The following SLC5A1 variants were observed in gnomAD, a reference collection of about 807,000 sequenced individuals.
SLC5A1 encodes the protein solute carrier family 5 member 1, also known as sodium/glucose cotransporter 1.
Under a neutral mutation model 73.5 loss-of-function variants are expected in SLC5A1, and 42 were observed. The ratio of observed to expected loss-of-function variants is 0.57; its 90% CI spans 0.45 to 0.74. SLC5A1 has a LOEUF of 0.74. Ranked by LOEUF, SLC5A1 falls within the 30% of genes least tolerant of loss-of-function variation. SLC5A1 has a pLI of 0.00. For missense variants in SLC5A1, 634 were observed against 855.4 expected (o/e 0.74, Z 3.23); for synonymous variants, 300 against 317.4 (o/e 0.95, Z 0.58).
chr22:32,061,426 A>C (rs933070883), intron 2 of SLC5A1, among the ~76,000 whole-genome samples: 3 of 152,030 alleles, frequency 2.0e-5, no homozygotes, highest in Admixed American at 1.3e-4. Context: ...AAAAAAAAAA[A>C]AGTCAGTAGG....
chr22:32,062,223 A>T (rs1260071397), intron 2 of SLC5A1, among the ~76,000 whole-genome samples: 2 of 152,124 alleles, frequency 1.3e-5, no homozygotes, highest in Non-Finnish European at 2.9e-5. Context: ...ATCACTTGGG[A>T]GGTGTTGCAA....
chr22:32,063,414 G>T (rs188778183), intron 2 of SLC5A1, among the ~76,000 whole-genome samples: 265 of 152,286 alleles, frequency 1.7e-3, no homozygotes, highest in African/African-American at 5.5e-3. Flanking sequence ...GAAGACGGAG[G>T]CTTGCAGATG....
intron 10 of SLC5A1, among the ~76,000 whole-genome samples, chr22:32,090,070 G>A (rs1224973183): frequency 3.5e-5 from 5 of 142,426 alleles, no homozygotes; most frequent in African/African-American, 1.3e-4. Flanking sequence ...ACTTGCTTAG[G>A]ATCAGAGTTA....
intron 5 of SLC5A1, among the ~76,000 whole-genome samples, chr22:32,070,285 C>CCTTCTTCTTCATT (rs2093980991): frequency 8.2e-6 from 1 of 121,290 alleles, no homozygotes; most frequent in Non-Finnish European, 1.7e-5. Context: ...CCCCTCCCTC[C>CCTTCTTCTTCATT]CTTCTTCTTC....
chr22:32,080,026 C>T (rs1266791370), intron 5 of SLC5A1, among the ~76,000 whole-genome samples: 1 of 152,166 alleles, frequency 6.6e-6, no homozygotes, highest in Non-Finnish European at 1.5e-5. Flanking sequence ...GGAGCCAGGA[C>T]TTCCTGCATA....
At chr22:32,056,240 C>T (rs1041803346) in intron 2 of SLC5A1, among the ~76,000 whole-genome samples, 3 of 152,040 alleles carry the variant, frequency 2.0e-5, no homozygotes, top group Non-Finnish European at 4.4e-5. Flanking sequence ...AGCCTGGTCT[C>T]GAACTCCCGA....
In SLC5A1 at chr22:32,060,199, A is replaced by ATTTTTTT. The variant is rs200047863; in HGVS notation, c.208-6735_208-6729dup. ...CACACACACACACATATATATATAT[A>ATTTTTTT]TTTTTTTAAGAGATGGAACTTTGCT... On this transcript the variant is annotated intron_variant, in intron 2 of 14. Coordinates refer to ENST00000266088, the MANE Select transcript of SLC5A1 (RefSeq NM_000343.4). Among the ~76,000 whole-genome samples, 219 of 136,654 alleles carry ATTTTTTT rather than the reference A, an allele frequency of 1.6e-3. 1 individual carries two copies. The highest frequency in any genetic ancestry group is 2.7e-3 in the Non-Finnish European group (173 of 63,598). The allele number at this position is 136,654 out of a possible 152,430, so 89.7% of individuals were successfully genotyped here. A position where few individuals can be genotyped will look rare whatever the true frequency, so the allele number is the denominator to read the frequency against.
chr22:32,076,453 T>C (rs962292478), intron 5 of SLC5A1, among the ~76,000 whole-genome samples: 2 of 152,218 alleles, frequency 1.3e-5, no homozygotes, highest in Non-Finnish European at 2.9e-5. Flanking sequence ...ATGACTTACA[T>C]GTGATGACTG....
intron 2 of SLC5A1, among the ~76,000 whole-genome samples, chr22:32,061,218 G>GT (rs1301435143): frequency 2.6e-5 from 4 of 152,134 alleles, no homozygotes; most frequent in Admixed American, 2.0e-4. Flanking sequence ...GAGGTCAGGA[G>GT]TTCAAGACCA....
intron 5 of SLC5A1, among the ~76,000 whole-genome samples, chr22:32,079,604 A>G (rs1013778419): frequency 3.3e-5 from 5 of 152,166 alleles, no homozygotes; most frequent in Non-Finnish European, 7.3e-5. Flanking sequence ...ACTCTGGAAA[A>G]TCAACCAAGG....
Position 32,064,438 on chromosome 22 carries a change from G to A in SLC5A1, c.208-2497G>A, listed in dbSNP as rs2093969012. Reference sequence around the variant, plus strand: ...TTGAGCCTGGGAGGCAGAGGTTGCAGTGAGTTGAGATGGACCACTGCACTC... The same window carrying A: ...TTGAGCCTGGGAGGCAGAGGTTGCAATGAGTTGAGATGGACCACTGCACTC... On this transcript the variant is annotated intron_variant, in intron 2 of 14. Coordinates refer to ENST00000266088, the MANE Select transcript of SLC5A1 (RefSeq NM_000343.4). 2.0e-5 allele frequency among the ~76,000 whole-genome samples: 3 copies of A among 151,808 alleles called. No individual in the cohort carries two copies. The South Asian group carries it at 6.2e-4, about 32-fold the overall frequency.
chr22:32,067,536 G>T (rs1258494171), intron 3 of SLC5A1, among the ~76,000 whole-genome samples: 1 of 151,746 alleles, frequency 6.6e-6, no homozygotes, highest in East Asian at 1.9e-4. Flanking sequence ...CATGCTTGGC[G>T]AATTTTTTAA....
intron 2 of SLC5A1, among the ~76,000 whole-genome samples, chr22:32,060,029 A>G (rs1203124770): frequency 1.3e-5 from 2 of 149,388 alleles, no homozygotes; most frequent in Admixed American, 1.3e-4. Flanking sequence ...ACACACACAC[A>G]CACACACACA....
intron 5 of SLC5A1, among the ~76,000 whole-genome samples, chr22:32,081,316 T>C (rs535076442): frequency 1.5e-4 from 23 of 152,230 alleles, no homozygotes; most frequent in African/African-American, 5.3e-4. Flanking sequence ...TGCTTGGTGA[T>C]GTTCTGGTTG....
At chr22:32,047,561 A>T (rs2093938766) in intron 1 of SLC5A1, among the ~76,000 whole-genome samples, 1 of 152,174 alleles carries the variant, frequency 6.6e-6, no homozygotes, top group Non-Finnish European at 1.5e-5. Context: ...CTCCTTTGGG[A>T]GGAAGAGCCC....
intron 11 of SLC5A1, among the ~76,000 whole-genome samples, chr22:32,098,122 T>C (rs1421072798): frequency 6.6e-6 from 1 of 152,236 alleles, no homozygotes; most frequent in Non-Finnish European, 1.5e-5. Flanking sequence ...AGAGGCAATT[T>C]GAAAATCAGT....
At chr22:32,079,146 A>AC (rs983278812) in intron 5 of SLC5A1, among the ~76,000 whole-genome samples, 4 of 152,136 alleles carry the variant, frequency 2.6e-5, no homozygotes, top group African/African-American at 7.2e-5. Context: ...AAACAAACAA[A>AC]AAAAAACAAC....
chr22:32,104,688 C>A (rs572960025), intron 13 of SLC5A1, 98 bp from the exon 14 acceptor site: 3 of 823,500 alleles, frequency 3.6e-6, no homozygotes, highest in East Asian at 2.6e-5. Context: ...ATGCCACATT[C>A]CCTTCCCTTC....
At position 32,111,365 on chromosome 22, in the gene SLC5A1, T is replaced by A. The variant is rs1818923679; in HGVS notation, c.*1152T>A. On this transcript the variant is annotated 3_prime_UTR_variant, in exon 15 of 15. Transcript: ENST00000266088. Reference sequence around the variant, plus strand: ...TCTACTCTTCTGATAAGGACATCAGTCATATTGGAATAGGACCCACCCTAA... The same window carrying A: ...TCTACTCTTCTGATAAGGACATCAGACATATTGGAATAGGACCCACCCTAA... 1 of 152,138 alleles carries A rather than the reference T, an allele frequency of 6.6e-6. No homozygotes were observed. The highest frequency in any genetic ancestry group is 6.5e-5 in the Admixed American group (1 of 15,280). The allele number at this position is 152,138 out of a possible 1,614,324, so 9.4% of individuals were successfully genotyped here.
Sources: allele counts gnomAD v4.1 joint callset (sites outside exome capture counted in the v4.1 genomes callset), GRCh38; gene constraint gnomAD v4.1.1; transcripts MANE v1.5; gene names NCBI Gene and HGNC (gene_info 2026-07-23, HGNC 2026-07-21).